TXNDC11: variants seen among roughly 807,000 people sequenced by gnomAD.
The protein encoded by TXNDC11 is thioredoxin domain containing 11.
Under a neutral mutation model 78.0 loss-of-function variants are expected in TXNDC11, and 68 were observed. The observed-to-expected ratio is 0.87, with a 90% CI of 0.72 to 1.07. The LOEUF is 1.07. Among genes scored for constraint, TXNDC11 ranks in the 50% least tolerant of loss-of-function variants. The probability of loss-of-function intolerance (pLI) is 0.00; values close to 1 mark genes in which losing one functional copy is unlikely to be tolerated. For missense variants in TXNDC11, 1,389 were observed against 1,221.8 expected (o/e 1.14, Z -2.04); for synonymous variants, 571 against 495.2 (o/e 1.15, Z -2.03).
intron 11 of TXNDC11, 51 bp downstream of exon 11, chr16:11,684,114 C>T (rs1484020144): frequency 7.9e-7 from 1 of 1,260,898 alleles, no homozygotes; most frequent in South Asian, 1.2e-5. Context: ...CATTTTCAGA[C>T]CTCCACAAAA....
At chr16:11,694,469 C>T (rs1032161930) in intron 7 of TXNDC11, among the ~76,000 whole-genome samples, 13 of 150,736 alleles carry the variant, frequency 8.6e-5, no homozygotes, top group East Asian at 2.0e-4. Flanking sequence ...TTTTTTGAGA[C>T]GGAGTTTTGC....
chr16:11,742,651 GGGC>G lies in TXNDC11; in HGVS notation c.77_79del (p.Gly26_Pro27delinsAla). The G allele has an allele frequency of 3.4e-6, 5 of 1,461,506 alleles. No individual in the cohort carries two copies. The highest frequency in any genetic ancestry group is 1.3e-5 in the South Asian group (1 of 76,264). The allele number at this position is 1,461,506 out of a possible 1,614,324, so 90.5% of individuals were successfully genotyped here. A position where few individuals can be genotyped will look rare whatever the true frequency, so the allele number is the denominator to read the frequency against. ...CGAGCTGAGGCAGTCTGAGCCCGCG[GGGC>G]CGCCGCCGCCCCCTCCCTCGTCCTC... On this transcript the variant is annotated inframe_deletion, in exon 1 of 12. Transcript: ENST00000283033.
At chr16:11,737,945 A>G (rs1231136453) in intron 1 of TXNDC11, among the ~76,000 whole-genome samples, 2 of 152,152 alleles carry the variant, frequency 1.3e-5, no homozygotes, top group African/African-American at 4.8e-5. Flanking sequence ...CACTATCTAA[A>G]CGAGATATAT....
At chr16:11,712,826 G>A (rs753122690) in intron 5 of TXNDC11, among the ~76,000 whole-genome samples, 22 of 151,722 alleles carry the variant, frequency 1.5e-4, no homozygotes, top group Admixed American at 5.9e-4. Flanking sequence ...AGTGGTGGAC[G>A]CCTGTAATCC....
intron 1 of TXNDC11, among the ~76,000 whole-genome samples, chr16:11,740,936 C>G (rs913770905): frequency 3.3e-5 from 5 of 152,144 alleles, no homozygotes; most frequent in African/African-American, 1.2e-4. Flanking sequence ...ATTTTGCTCC[C>G]AGGGGACATC....
At chr16:11,681,068 A>G (rs986704651) in intron 11 of TXNDC11, among the ~76,000 whole-genome samples, 7 of 152,202 alleles carry the variant, frequency 4.6e-5, no homozygotes, top group Non-Finnish European at 7.3e-5. Context: ...GCTACTTAGG[A>G]GCCTGAGGTG....
intron 4 of TXNDC11, among the ~76,000 whole-genome samples, chr16:11,728,256 G>A (rs1395645576): frequency 6.6e-6 from 1 of 152,134 alleles, no homozygotes; most frequent in Admixed American, 6.5e-5. Context: ...TGTGCTATTT[G>A]GTATATTTTG....
Position 11,691,300 on chromosome 16 carries a change from C to G in TXNDC11, c.1890G>C (p.Lys630Asn). 3.1e-6 allele frequency: 5 copies of G among 1,612,660 alleles called. No individual in the cohort carries two copies. The highest frequency in any genetic ancestry group is 4.2e-6 in the Non-Finnish European group (5 of 1,179,178). Residue 630 changes from lysine to asparagine, a missense_variant, in exon 8 of 12, where the codon AAG becomes AAC. Lys to Asn is a moderately conservative substitution (Grantham distance 94). Transcript: ENST00000283033. ...AACTGCCTGCAGTACCTAGGGTGAG[C>G]TTCATCAGTGCTTGCTTTGGATCCA... ...YILDPKQALM[K>N]LTLESFIQNF...
chr16:11,708,049 A>C lies in TXNDC11; in HGVS notation c.794-7485T>G, dbSNP rs554858487. Reference sequence around the variant, plus strand: ...CAGTGAGCTATAATTGCACCACTGCACTCCAGCCTGGACAACAATATGAGA... The same window carrying C: ...CAGTGAGCTATAATTGCACCACTGCCCTCCAGCCTGGACAACAATATGAGA... On this transcript the variant is annotated intron_variant, in intron 5 of 11. Transcript: ENST00000283033. Among the ~76,000 whole-genome samples, 93 of 152,298 alleles carry C rather than the reference A, an allele frequency of 6.1e-4. 1 individual carries two copies. Among genetic ancestry groups the C allele is most frequent in the Admixed American group, 1.3e-3 (20 of 15,292 alleles).
rs1306298521 is a variant in TXNDC11 at position 11,691,485 on chromosome 16, A to G, written c.1705T>C (p.Phe569Leu). Residue 569 changes from phenylalanine (F) to leucine (L), a missense_variant, in exon 8 of 12, where the codon TTC (phenylalanine) becomes CTC (leucine). Phe to Leu is a conservative substitution (Grantham distance 22). Transcript: ENST00000283033. ...TTGGTTCTGCAGCTCAGGCCTGTGA[A>G]GTTTGTGCTAGTCATGTCCACTTCT... ...FPEVDMTSTNFTGLSCRTNKT... is the reference protein window; with the variant it reads ...FPEVDMTSTNLTGLSCRTNKT... 1.9e-6 allele frequency: 3 copies of G among 1,614,200 alleles called. No homozygotes were observed. The highest frequency in any genetic ancestry group is 1.7e-6 in the Non-Finnish European group (2 of 1,180,022).
At chr16:11,696,080 T>C (rs1229867125) in intron 7 of TXNDC11, among the ~76,000 whole-genome samples, 1 of 150,828 alleles carries the variant, frequency 6.6e-6, no homozygotes, top group Non-Finnish European at 1.5e-5. Flanking sequence ...AATCTTGAAA[T>C]CCTCAGAGAA....
chr16:11,688,534 A>C, intron 8 of TXNDC11, 89 bp from the exon 9 acceptor site: 9 of 1,108,064 alleles, frequency 8.1e-6, no homozygotes, highest in East Asian at 2.5e-5. Flanking sequence ...TTAAAAACTC[A>C]AATGACTTCA....
intron 4 of TXNDC11, among the ~76,000 whole-genome samples, chr16:11,722,781 A>C (rs2051748695): frequency 1.3e-5 from 2 of 152,250 alleles, no homozygotes; most frequent in African/African-American, 4.8e-5. Context: ...TTGATCATTG[A>C]AACAAAATTG....
rs1198294939 is a variant in TXNDC11 at position 11,688,410 on chromosome 16, G to A, written c.1936C>T (p.Pro646Ser). The A allele has an allele frequency of 9.9e-6, 16 of 1,613,576 alleles. No homozygotes were observed. The highest frequency in any genetic ancestry group is 1.4e-5 in the Non-Finnish European group (16 of 1,179,782). The change falls in exon 9 of 12, where the codon CCC becomes TCC. Residue 646 changes from proline to serine, a missense_variant. Pro to Ser is a moderately conservative substitution (Grantham distance 74). Transcript: ENST00000283033. Reference protein sequence around the residue: ...FIQNFSVLYSPLKRHLIGSGS... With the variant: ...FIQNFSVLYSSLKRHLIGSGS... ...CTTCCAATGAGATGCCTTTTCAAGG[G>A]ACTATAGAGAACGCTGAAGTTTTGA...
chr16:11,730,076 A>G (rs117020020), intron 4 of TXNDC11, among the ~76,000 whole-genome samples: 1 of 152,082 alleles, frequency 6.6e-6, no homozygotes, highest in Non-Finnish European at 1.5e-5. Context: ...TCAGAGCAAG[A>G]CTCTGTCTCA....
chr16:11,729,546 G>A (rs936701712), intron 4 of TXNDC11, among the ~76,000 whole-genome samples: 4 of 152,114 alleles, frequency 2.6e-5, no homozygotes, highest in Admixed American at 2.6e-4. Context: ...TATAAATAGT[G>A]CGAACAGTAA....
chr16:11,680,223 C>A (rs2050387854), intron 11 of TXNDC11, among the ~76,000 whole-genome samples: 1 of 151,518 alleles, frequency 6.6e-6, no homozygotes, highest in Non-Finnish European at 1.5e-5. Flanking sequence ...CCAGGGGAGG[C>A]AGGAGTGTCC....
intron 4 of TXNDC11, among the ~76,000 whole-genome samples, chr16:11,726,622 G>A (rs1303920266): frequency 6.7e-6 from 1 of 149,716 alleles, no homozygotes; most frequent in Non-Finnish European, 1.5e-5. Context: ...AAGCAATTCA[G>A]TATCAAATCA....
intron 10 of TXNDC11, among the ~76,000 whole-genome samples, chr16:11,684,671 CA>C (rs3837755): frequency 0.34 from 51,835 of 152,092 alleles, 10,813 homozygotes; most frequent in Non-Finnish European, 0.47. Context: ...GGATAGAGAC[CA>C]AAAACAGCCT....
Sources: gnomAD v4.1 joint callset for allele counts (sites outside exome capture counted in the v4.1 genomes callset) on GRCh38, gnomAD v4.1.1 for gene constraint, MANE v1.5 for transcripts, NCBI Gene and HGNC (gene_info 2026-07-23, HGNC 2026-07-21) for gene names.